Variants in SHISA6 observed in about 807,000 individuals in gnomAD.
SHISA6 encodes the protein protein shisa-6.
SHISA6 carries 22 observed loss-of-function variants against 47.9 expected under a neutral mutation model. That is an observed-to-expected ratio of 0.46 (90% CI 0.33 to 0.66). The LOEUF (loss-of-function observed/expected upper bound fraction) is 0.66. Ranked by LOEUF, SHISA6 falls within the 30% of genes least tolerant of loss-of-function variation. The pLI is 0.02. For synonymous variants in SHISA6, 388 were observed against 337.8 expected (o/e 1.15, Z -1.63); for missense variants, 680 against 764.6 (o/e 0.89, Z 1.30).
At chr17:11,265,213 A>G (rs1043151732) in intron 2 of SHISA6, among the ~76,000 whole-genome samples, 43 of 152,224 alleles carry the variant, frequency 2.8e-4, no homozygotes, top group African/African-American at 8.9e-4. Flanking sequence ...GTTTTAAACA[A>G]TCTCCCCAAG....
intron 2 of SHISA6, among the ~76,000 whole-genome samples, chr17:11,341,328 C>CTTTTTTTTTTTTTT (rs71367322): frequency 1.1e-5 from 1 of 88,826 alleles, no homozygotes; most frequent in Non-Finnish European, 2.1e-5. Context: ...CTCTCTCTCT[C>CTTTTTTTTTTTTTT]TTTTTTTTTT....
At chr17:11,541,750 C>T (rs1482150784) in intron 3 of SHISA6, among the ~76,000 whole-genome samples, 2 of 152,076 alleles carry the variant, frequency 1.3e-5, no homozygotes, top group African/African-American at 2.4e-5. Flanking sequence ...CTTTAAGCTA[C>T]CCAGGGAGTG....
chr17:11,327,979 G>A (rs560446523), intron 2 of SHISA6, among the ~76,000 whole-genome samples: 2 of 151,690 alleles, frequency 1.3e-5, no homozygotes, highest in Admixed American at 6.6e-5. Flanking sequence ...CACACACACA[G>A]TTTTGTTAAA....
intron 3 of SHISA6, among the ~76,000 whole-genome samples, chr17:11,459,365 A>G (rs1915642785): frequency 6.6e-6 from 1 of 152,130 alleles, no homozygotes; most frequent in Admixed American, 6.5e-5. Flanking sequence ...TGCCCCTGCT[A>G]TAGCATTGCT....
intron 3 of SHISA6, among the ~76,000 whole-genome samples, chr17:11,483,943 GATAAAGGGGA>G (rs1255955620): frequency 6.6e-6 from 1 of 152,154 alleles, no homozygotes; most frequent in Non-Finnish European, 1.5e-5. Context: ...GTGACAGCAA[GATAAAGGGGA>G]ATATTTCTTG....
chr17:11,312,744 T>C (rs1303104287), intron 2 of SHISA6, among the ~76,000 whole-genome samples: 2 of 152,238 alleles, frequency 1.3e-5, no homozygotes, highest in Non-Finnish European at 2.9e-5. Flanking sequence ...TATTTCATTC[T>C]TTTTAAATGG....
chr17:11,462,858 C>G (rs927767895), intron 3 of SHISA6, among the ~76,000 whole-genome samples: 1 of 152,174 alleles, frequency 6.6e-6, no homozygotes, highest in Non-Finnish European at 1.5e-5. Flanking sequence ...GAACTTCTGA[C>G]TTCAAGTGAT....
chr17:11,260,717 T>G (rs1317452261), intron 1 of SHISA6, among the ~76,000 whole-genome samples: 1 of 151,984 alleles, frequency 6.6e-6, no homozygotes, highest in Non-Finnish European at 1.5e-5. Context: ...CTCTCTTGCT[T>G]GGGGTTTCAG....
At chr17:11,515,392 A>G (rs1210593385) in intron 3 of SHISA6, among the ~76,000 whole-genome samples, 1 of 151,608 alleles carries the variant, frequency 6.6e-6, no homozygotes, top group African/African-American at 2.4e-5. Flanking sequence ...AATAACCACT[A>G]AGACTTTACT....
intron 3 of SHISA6, among the ~76,000 whole-genome samples, chr17:11,462,879 T>C (rs1268844728): frequency 6.6e-6 from 1 of 152,166 alleles, no homozygotes; most frequent in Middle Eastern, 3.2e-3. Flanking sequence ...CTGCCCACCT[T>C]GGCCTCCCAA....
chr17:11,523,079 G>T (rs991802248), intron 3 of SHISA6, among the ~76,000 whole-genome samples: 4 of 152,106 alleles, frequency 2.6e-5, no homozygotes, highest in Admixed American at 6.6e-5. Flanking sequence ...TTTCATCCAG[G>T]ATACGGATGC....
At chr17:11,397,053 A>G (rs1913594962) in intron 3 of SHISA6, among the ~76,000 whole-genome samples, 1 of 152,108 alleles carries the variant, frequency 6.6e-6, no homozygotes, top group African/African-American at 2.4e-5. Flanking sequence ...AGGGTAGTTT[A>G]TTAACTTAAA....
intron 2 of SHISA6, among the ~76,000 whole-genome samples, chr17:11,274,696 G>A (rs571572320): frequency 1.6e-4 from 25 of 152,184 alleles, no homozygotes; most frequent in African/African-American, 3.4e-4. Flanking sequence ...TGAACACTTC[G>A]TTAGGGCCTA....
At chr17:11,398,400 A>G (rs1307530162) in intron 3 of SHISA6, among the ~76,000 whole-genome samples, 1 of 151,760 alleles carries the variant, frequency 6.6e-6, no homozygotes, top group Admixed American at 6.6e-5. Context: ...ACTACTCCCC[A>G]CTTCTATGCC....
chr17:11,524,917 T>C (rs3111835), intron 3 of SHISA6, among the ~76,000 whole-genome samples: 68,030 of 152,066 alleles, frequency 0.45, 15,253 homozygotes, highest in East Asian at 0.57. Context: ...TCTCGCTGTA[T>C]TTTTTAGAAA....
chr17:11,320,984 C>A (rs1910699527), intron 2 of SHISA6, among the ~76,000 whole-genome samples: 1 of 152,114 alleles, frequency 6.6e-6, no homozygotes, highest in South Asian at 2.1e-4. Context: ...CTGTATTAAA[C>A]TTAGAAATTT....
intron 3 of SHISA6, among the ~76,000 whole-genome samples, chr17:11,390,604 A>T (rs936550538): frequency 6.6e-6 from 1 of 151,752 alleles, no homozygotes; most frequent in African/African-American, 2.4e-5. Flanking sequence ...GATAAAAAAT[A>T]TTTTTTTTTA....
rs561997102 is a variant in SHISA6, at chr17:11,450,406, G to A, written c.895+70897G>A. Among the ~76,000 whole-genome samples the A allele has an allele frequency of 4.3e-4, 66 of 152,088 alleles. No homozygotes were observed. In the South Asian group the frequency reaches 9.6e-3, roughly 22 times the overall value. Reference sequence around the variant, plus strand: ...GCGCAGTGGCTCACGCCTGTAATCCGGGCACTTTGGGAGGCCGAGGTGGGC... The same window carrying A: ...GCGCAGTGGCTCACGCCTGTAATCCAGGCACTTTGGGAGGCCGAGGTGGGC... On this transcript the variant is annotated intron_variant, in intron 3 of 5. Transcript: ENST00000441885.
intron 3 of SHISA6, among the ~76,000 whole-genome samples, chr17:11,505,995 AAG>A (rs1191487873): frequency 6.6e-6 from 1 of 152,158 alleles, no homozygotes; most frequent in African/African-American, 2.4e-5. Flanking sequence ...TGGAATTAGG[AAG>A]AGAGTTTGGT....
Sources: gnomAD v4.1 joint callset for allele counts (sites outside exome capture counted in the v4.1 genomes callset) on GRCh38, gnomAD v4.1.1 for gene constraint, MANE v1.5 for transcripts, NCBI Gene and HGNC (gene_info 2026-07-23, HGNC 2026-07-21) for gene names.